Variants in CDH22 observed in about 807,000 individuals in gnomAD.
The protein encoded by CDH22 is cadherin 22.
In CDH22, 30 loss-of-function variants were observed where a neutral mutation model predicts 58.4. The ratio of observed to expected loss-of-function variants is 0.51; its 90% CI spans 0.38 to 0.70. The LOEUF (loss-of-function observed/expected upper bound fraction) is 0.70, where lower values mean the gene tolerates loss of function less well. CDH22 is among the 30% of genes least tolerant of loss of function. The pLI, the probability that CDH22 is intolerant of heterozygous loss-of-function variation, is 0.00. For synonymous variants in CDH22, 513 were observed against 558.2 expected (o/e 0.92, Z 1.14); for missense variants, 1,014 against 1,233.9 (o/e 0.82, Z 2.67).
At chr20:46,177,770 T>C (rs1321340991) in intron 11 of CDH22, among the ~76,000 whole-genome samples, 176 bp downstream of exon 11, 1 of 152,144 alleles carries the variant, frequency 6.6e-6, no homozygotes. Context: ...GCGGGGCCGC[T>C]CTGCACTTAG....
intron 1 of CDH22, among the ~76,000 whole-genome samples, chr20:46,296,958 C>T (rs1359392497): frequency 6.6e-6 from 1 of 152,198 alleles, no homozygotes; most frequent in Non-Finnish European, 1.5e-5. Flanking sequence ...TTACAAGTCC[C>T]TCTGTCCTAA....
chr20:46,245,987 C>G (rs566190624), intron 2 of CDH22, among the ~76,000 whole-genome samples: 1 of 152,248 alleles, frequency 6.6e-6, no homozygotes, highest in South Asian at 2.1e-4. Flanking sequence ...TGTGGCCAGC[C>G]CTGGAGGAGA....
At position 46,251,352 on chromosome 20, in the gene CDH22, CT is replaced by C; in HGVS notation, c.-59del. Reference sequence around the variant, plus strand: ...ATGGACGAGAGGCACCAGGGCGCCGCTGCTTGGTCGCACAACGATGCGGCGC... The same window carrying C: ...ATGGACGAGAGGCACCAGGGCGCCGCGCTTGGTCGCACAACGATGCGGCGC... On this transcript the variant is annotated 5_prime_UTR_variant, in exon 2 of 12. Transcript: ENST00000537909. The surrounding 1 kb of genome is among the most constrained non-coding windows in gnomAD (Gnocchi z 6.7). The C allele has an allele frequency of 7.1e-7, 1 of 1,400,726 alleles. No homozygotes were observed. Among genetic ancestry groups the C allele is most frequent in the Non-Finnish European group, 9.2e-7 (1 of 1,085,774 alleles). The allele number at this position is 1,400,726 out of a possible 1,614,324, so 86.8% of individuals were successfully genotyped here. A position where few individuals can be genotyped will look rare whatever the true frequency, so the allele number is the denominator to read the frequency against.
At chr20:46,221,572 A>G (rs1318839560) in intron 4 of CDH22, among the ~76,000 whole-genome samples, 1 of 152,212 alleles carries the variant, frequency 6.6e-6, no homozygotes, top group Non-Finnish European at 1.5e-5. Flanking sequence ...TTAAGGCCTA[A>G]TGTCAGAATT....
In CDH22 at chr20:46,283,347, G is replaced by A. The variant is rs943339717; in HGVS notation, c.-400+24908C>T. 3.3e-5 allele frequency among the ~76,000 whole-genome samples: 5 copies of A among 152,284 alleles called. No individual in the cohort carries two copies. In the East Asian group the frequency reaches 5.8e-4, roughly 18 times the overall value. The stretch of plus-strand genomic sequence containing the variant: ...AGACTCAGATTCCGATTCCAGCTGC[G>A]TGACCTGGGACACGTTCCCTAACAT... On this transcript the variant is annotated intron_variant, in intron 1 of 11. Transcript: ENST00000537909.
At chr20:46,180,739 C>CT (rs570187645) in intron 10 of CDH22, among the ~76,000 whole-genome samples, 3 of 151,288 alleles carry the variant, frequency 2.0e-5, no homozygotes, top group African/African-American at 2.4e-5. Context: ...TCCAACAAAT[C>CT]TTTTTTTTTC....
At chr20:46,208,789 C>T (rs2086018868) in intron 7 of CDH22, among the ~76,000 whole-genome samples, 1 of 152,090 alleles carries the variant, frequency 6.6e-6, no homozygotes, top group Non-Finnish European at 1.5e-5. Context: ...GACGGGGTTT[C>T]ACCATGTTGG....
At chr20:46,222,818 G>A (rs949411308) in intron 4 of CDH22, among the ~76,000 whole-genome samples, 3 of 152,252 alleles carry the variant, frequency 2.0e-5, no homozygotes, top group Admixed American at 6.5e-5. Flanking sequence ...CTGGCATTGG[G>A]GCCTCGCGGC....
chr20:46,193,261 C>T (rs2145662373), intron 8 of CDH22, among the ~76,000 whole-genome samples: 1 of 152,252 alleles, frequency 6.6e-6, no homozygotes, highest in East Asian at 1.9e-4. Context: ...GTCATCCAGT[C>T]CAAGAGGACC....
intron 1 of CDH22, among the ~76,000 whole-genome samples, chr20:46,279,609 G>A (rs902152517): frequency 6.6e-6 from 1 of 152,116 alleles, no homozygotes; most frequent in Non-Finnish European, 1.5e-5. Context: ...TACATATAAT[G>A]TATGCTAAAG....
At chr20:46,294,814 T>A (rs1305059253) in intron 1 of CDH22, among the ~76,000 whole-genome samples, 2 of 152,172 alleles carry the variant, frequency 1.3e-5, no homozygotes, top group East Asian at 3.8e-4. Flanking sequence ...AGAAGTGGGA[T>A]TCCTGGCATT....
chr20:46,216,420 C>T lies in CDH22; in HGVS notation c.838+406G>A, dbSNP rs1240388793. Among the ~76,000 whole-genome samples, 1 of 152,232 alleles carries T rather than the reference C, an allele frequency of 6.6e-6. No individual in the cohort carries two copies. Among genetic ancestry groups the T allele is most frequent in the African/African-American group, 2.4e-5 (1 of 41,454 alleles). On this transcript the variant is annotated intron_variant, in intron 5 of 11. Transcript: ENST00000537909. The surrounding 1 kb of genome is among the most constrained non-coding windows in gnomAD (Gnocchi z 5.3). ...GCCTAGATCCCTGGGTGCCCCCTTT[C>T]TCCCCAGTACCTTCCCTCTGCAAGC...
intron 1 of CDH22, among the ~76,000 whole-genome samples, chr20:46,263,389 C>T (rs2086443102): frequency 1.3e-5 from 2 of 148,312 alleles, no homozygotes; most frequent in South Asian, 4.4e-4. Flanking sequence ...AAGTCCCTGT[C>T]CCCATGGCCT....
chr20:46,306,236 A>G (rs2086676974), intron 1 of CDH22, among the ~76,000 whole-genome samples: 1 of 152,224 alleles, frequency 6.6e-6, no homozygotes, highest in African/African-American at 2.4e-5. Flanking sequence ...GGCCTACCCA[A>G]CACATAAGCA....
intron 8 of CDH22, among the ~76,000 whole-genome samples, chr20:46,192,923 C>CA (rs1200441281): frequency 1.3e-5 from 2 of 152,046 alleles, no homozygotes; most frequent in African/African-American, 4.8e-5. Context: ...ATGCCCCCCC[C>CA]CAGTGGGAGC....
At chr20:46,285,061 C>T (rs1304645297) in intron 1 of CDH22, among the ~76,000 whole-genome samples, 1 of 152,196 alleles carries the variant, frequency 6.6e-6, no homozygotes, top group Non-Finnish European at 1.5e-5. Flanking sequence ...CCAACAGCCC[C>T]AGACTTCTCT....
intron 2 of CDH22, among the ~76,000 whole-genome samples, chr20:46,242,664 G>A (rs1383259108): frequency 2.0e-5 from 3 of 152,178 alleles, no homozygotes; most frequent in Non-Finnish European, 4.4e-5. Flanking sequence ...GAGGCCCAGG[G>A]GGCTGAGAGA....
chr20:46,264,910 A>G (rs1029914783), intron 1 of CDH22, among the ~76,000 whole-genome samples: 1 of 151,888 alleles, frequency 6.6e-6, no homozygotes, highest in Non-Finnish European at 1.5e-5. Context: ...CACCGTGCGC[A>G]CACACACATA....
rs113947975 is a variant in CDH22 at position 46,275,180 on chromosome 20, C to T, written c.-399-23487G>A. 5.2e-3 allele frequency among the ~76,000 whole-genome samples: 791 copies of T among 152,280 alleles called. 3 individuals are homozygous for T. Among genetic ancestry groups the T allele is most frequent in the African/African-American group, 0.018 (760 of 41,548 alleles). On this transcript the variant is annotated intron_variant, in intron 1 of 11. Coordinates refer to ENST00000537909, the MANE Select transcript of CDH22 (RefSeq NM_021248.3). ...TTCTATAAGGCTCTACATGATCCGC[C>T]CCTGTGGCCCCTCTCACCCTGTCCG...
Sources: gnomAD v4.1 joint callset for allele counts (sites outside exome capture counted in the v4.1 genomes callset) on GRCh38, gnomAD v4.1.1 for gene constraint, Gnocchi (gnomAD v3.1) non-coding constraint, MANE v1.5 for transcripts, NCBI Gene and HGNC (gene_info 2026-07-23, HGNC 2026-07-21) for gene names.